Variants in RAB3B observed in about 807,000 individuals in gnomAD.
The protein encoded by RAB3B is RAB3B, member RAS oncogene family, also known as ras-related protein Rab-3B.
Under a neutral mutation model 20.5 loss-of-function variants are expected in RAB3B, and 11 were observed. The observed-to-expected ratio is 0.54, with a 90% CI of 0.34 to 0.89. RAB3B has a LOEUF of 0.89. Among genes scored for constraint, RAB3B ranks in the 40% least tolerant of loss-of-function variants. The probability of loss-of-function intolerance (pLI) is 0.02; values close to 1 mark genes in which losing one functional copy is unlikely to be tolerated. For synonymous variants in RAB3B, 99 were observed against 106.3 expected, an observed-to-expected ratio of 0.93 and a Z score of 0.42; for missense variants, 225 against 280.9, an observed-to-expected ratio of 0.80 and a Z score of 1.42.
chr1:51,957,591 G>C (rs1036087477), intron 2 of RAB3B, among the ~76,000 whole-genome samples: 12 of 152,250 alleles, frequency 7.9e-5, no homozygotes, highest in African/African-American at 4.8e-5. Context: ...TCTTGGTATT[G>C]TTGGGAGGAT....
At chr1:51,980,732 G>A (rs1263975433) in intron 1 of RAB3B, 16 of 755,514 alleles carry the variant, frequency 2.1e-5, no homozygotes, top group South Asian at 1.3e-4. Flanking sequence ...GTCAGGAATC[G>A]ATCTCATGAA....
intron 2 of RAB3B, among the ~76,000 whole-genome samples, chr1:51,955,452 C>G (rs866837233): frequency 2.0e-5 from 3 of 151,956 alleles, no homozygotes; most frequent in Non-Finnish European, 2.9e-5. Flanking sequence ...AGTGCAGTGG[C>G]GCAATCTTGG....
intron 4 of RAB3B, among the ~76,000 whole-genome samples, chr1:51,932,452 G>A (rs917968405): frequency 2.6e-5 from 4 of 152,206 alleles, no homozygotes; most frequent in South Asian, 4.1e-4. Flanking sequence ...AGCAAAGGTA[G>A]GTAGAGTTCT....
intron 3 of RAB3B, 61 bp downstream of exon 3, chr1:51,937,233 A>G: frequency 2.3e-6 from 3 of 1,323,750 alleles, no homozygotes; most frequent in Non-Finnish European, 2.2e-6. Flanking sequence ...TACAGGACCT[A>G]GCACATGTTA....
chr1:51,951,778 C>T (rs1684645762), intron 2 of RAB3B, among the ~76,000 whole-genome samples: 1 of 152,178 alleles, frequency 6.6e-6, no homozygotes, highest in Non-Finnish European at 1.5e-5. Context: ...CATGCCACTG[C>T]ACTCCAGCCT....
At position 51,919,812 on chromosome 1, in the gene RAB3B, T is replaced by G. The variant is rs1050547208; in HGVS notation, c.*115A>C. ...AGAATAGCAGCAACTCATCTTGCTCTGAGTGTGGGCAGTGTGTAACAGGGA... is the reference window on the plus strand; with the variant it reads ...AGAATAGCAGCAACTCATCTTGCTCGGAGTGTGGGCAGTGTGTAACAGGGA... On this transcript the variant is annotated 3_prime_UTR_variant, in exon 5 of 5. Coordinates refer to ENST00000371655, the MANE Select transcript of RAB3B (RefSeq NM_002867.4). 1 of 1,087,088 alleles carries G rather than the reference T, an allele frequency of 9.2e-7. No homozygotes were observed. Among genetic ancestry groups the G allele is most frequent in the Admixed American group, 2.8e-5 (1 of 36,272 alleles). 67.3% of individuals were successfully genotyped at this position (1,087,088 alleles called of 1,614,324 possible).
chr1:51,927,293 C>A (rs1444371445), intron 4 of RAB3B, among the ~76,000 whole-genome samples: 1 of 152,318 alleles, frequency 6.6e-6, no homozygotes, highest in East Asian at 1.9e-4. Flanking sequence ...CCAAACAGAT[C>A]TTCCTACTCA....
At chr1:51,956,965 T>C (rs1684715633) in intron 2 of RAB3B, among the ~76,000 whole-genome samples, 3 of 152,234 alleles carry the variant, frequency 2.0e-5, no homozygotes, top group African/African-American at 7.2e-5. Flanking sequence ...TTCTCTTCTA[T>C]CCTCTCTCCA....
chr1:51,980,944 A>G (rs779805269), intron 1 of RAB3B: 1 of 348,236 alleles, frequency 2.9e-6, no homozygotes, highest in Non-Finnish European at 5.2e-6. Context: ...AAAAGGTAAT[A>G]CATACTTACG....
chr1:51,913,508 A>G lies in RAB3B; in HGVS notation c.*6419T>C, dbSNP rs915055721. 13 of 148,522 alleles carry G rather than the reference A, an allele frequency of 8.8e-5. No individual in the cohort carries two copies. Among genetic ancestry groups the G allele is most frequent in the African/African-American group, 2.5e-4 (10 of 40,020 alleles). 9.2% of individuals were successfully genotyped at this position (148,522 alleles called of 1,614,324 possible). ...TTTTTTTGAGACTGAGTCTGGCTCT[A>G]TCGCCCAGGCTGAAGTGCAGTGGTG... On this transcript the variant is annotated 3_prime_UTR_variant, in exon 5 of 5. Coordinates refer to ENST00000371655, the MANE Select transcript of RAB3B (RefSeq NM_002867.4).
At chr1:51,976,000 A>G (rs1685004410) in intron 2 of RAB3B, among the ~76,000 whole-genome samples, 1 of 151,770 alleles carries the variant, frequency 6.6e-6, no homozygotes, top group African/African-American at 2.4e-5. Context: ...TTAAAAAAAA[A>G]AAAAAGATCC....
intron 2 of RAB3B, among the ~76,000 whole-genome samples, chr1:51,970,624 T>C (rs756674092): frequency 6.6e-6 from 1 of 152,026 alleles, no homozygotes; most frequent in Non-Finnish European, 1.5e-5. Context: ...TCAAATAGGC[T>C]GGAGGAATTT....
At chr1:51,989,211 TG>T (rs1685191023) in intron 1 of RAB3B, among the ~76,000 whole-genome samples, 5 of 33,836 alleles carry the variant, frequency 1.5e-4, no homozygotes, top group South Asian at 1.7e-3. Context: ...TCTTGTTTTG[TG>T]TGTGTGTGTG....
At chr1:51,950,438 C>T (rs1327802880) in intron 2 of RAB3B, among the ~76,000 whole-genome samples, 7 of 152,312 alleles carry the variant, frequency 4.6e-5, no homozygotes, top group African/African-American at 1.4e-4. Context: ...AACTATAGCA[C>T]CTGCCACATA....
intron 2 of RAB3B, among the ~76,000 whole-genome samples, chr1:51,970,114 C>A (rs183869148): frequency 1.3e-5 from 2 of 149,394 alleles, no homozygotes; most frequent in African/African-American, 2.5e-5. Context: ...AACAAACAAA[C>A]AAAAAAACAA....
chr1:51,979,896 G>A (rs1335122736), intron 1 of RAB3B, among the ~76,000 whole-genome samples: 1 of 151,476 alleles, frequency 6.6e-6, no homozygotes, highest in African/African-American at 2.4e-5. Flanking sequence ...ACAAAAAATT[G>A]GCCAGGGGTG....
intron 4 of RAB3B, among the ~76,000 whole-genome samples, chr1:51,930,514 T>C (rs975219411): frequency 2.6e-5 from 4 of 152,168 alleles, no homozygotes; most frequent in African/African-American, 4.8e-5. Context: ...CTGTGTGACT[T>C]TGGCAAGTTA....
chr1:51,962,873 G>A (rs1684802251), intron 2 of RAB3B, among the ~76,000 whole-genome samples: 1 of 152,080 alleles, frequency 6.6e-6, no homozygotes. Context: ...CGGGCTGGAG[G>A]TGGGATAGAT....
intron 4 of RAB3B, among the ~76,000 whole-genome samples, chr1:51,924,839 T>A (rs950261204): frequency 6.6e-6 from 1 of 152,182 alleles, no homozygotes; most frequent in Non-Finnish European, 1.5e-5. Flanking sequence ...TTCAGGTTCA[T>A]TAATAAGGAC....
Sources: gnomAD v4.1 joint callset for allele counts (sites outside exome capture counted in the v4.1 genomes callset) on GRCh38, gnomAD v4.1.1 for gene constraint, MANE v1.5 for transcripts, NCBI Gene and HGNC (gene_info 2026-07-23, HGNC 2026-07-21) for gene names.